TMEM217: variants seen among roughly 807,000 people sequenced by gnomAD.
TMEM217 encodes the protein chromosome 6 open reading frame 128.
For synonymous variants in TMEM217, 76 were observed against 88.3 expected, an observed-to-expected ratio of 0.86 and a Z score of 0.78; for missense variants, 204 against 248.8, an observed-to-expected ratio of 0.82 and a Z score of 1.21.
At chr6:37,228,240 A>G (rs1374990596) in intron 1 of TMEM217, among the ~76,000 whole-genome samples, 1 of 152,230 alleles carries the variant, frequency 6.6e-6, no homozygotes, top group Non-Finnish European at 1.5e-5. Context: ...AAAAAAGAAA[A>G]AAAAGAAAGA....
chr6:37,256,464 A>G (rs1765737999), intron 1 of TMEM217, among the ~76,000 whole-genome samples: 1 of 152,228 alleles, frequency 6.6e-6, no homozygotes, highest in East Asian at 1.9e-4. Context: ...AAGTAAAATA[A>G]TTAAAAGAAT....
intron 1 of TMEM217, among the ~76,000 whole-genome samples, chr6:37,241,679 T>G (rs1222555795): frequency 6.6e-6 from 1 of 152,204 alleles, no homozygotes; most frequent in Non-Finnish European, 1.5e-5. Flanking sequence ...GATTGAATTT[T>G]TTTCTAGTCT....
At chr6:37,246,458 C>A (rs1349754540) in intron 1 of TMEM217, among the ~76,000 whole-genome samples, 1 of 152,120 alleles carries the variant, frequency 6.6e-6, no homozygotes, top group Non-Finnish European at 1.5e-5. Flanking sequence ...ATTCCACTGG[C>A]CAGAAGTCTT....
chr6:37,250,291 C>T (rs556938398), intron 1 of TMEM217, among the ~76,000 whole-genome samples: 1 of 152,288 alleles, frequency 6.6e-6, no homozygotes, highest in Non-Finnish European at 1.5e-5. Flanking sequence ...TAGGAAGGGA[C>T]CCCTAAGAGG....
At chr6:37,222,795 T>G (rs1488491455) in intron 1 of TMEM217, among the ~76,000 whole-genome samples, 1 of 152,182 alleles carries the variant, frequency 6.6e-6, no homozygotes, top group African/African-American at 2.4e-5. Flanking sequence ...TAGCACCCGG[T>G]GAGTTCCCGA....
chr6:37,252,647 T>A (rs868073133), intron 1 of TMEM217, among the ~76,000 whole-genome samples: 1,678 of 122,342 alleles, frequency 0.014, 28 homozygotes, highest in African/African-American at 0.032. Flanking sequence ...ATTTTTTTTT[T>A]TTTTTTTTTT....
intron 1 of TMEM217, among the ~76,000 whole-genome samples, chr6:37,228,343 G>T (rs1763962196): frequency 6.6e-6 from 1 of 152,216 alleles, no homozygotes; most frequent in Non-Finnish European, 1.5e-5. Context: ...AATAGGTTGT[G>T]CTGTTCAAAC....
downstream of TMEM217, chr6:37,215,127 A>T: frequency 1.9e-6 from 3 of 1,592,192 alleles, no homozygotes; most frequent in Non-Finnish European, 2.6e-6. Context: ...GGGTCACTAT[A>T]ATAATGGCCT....
intron 1 of TMEM217, among the ~76,000 whole-genome samples, chr6:37,229,347 T>TTTTTTTG (rs1554170995): frequency 1.5e-5 from 2 of 131,136 alleles, no homozygotes; most frequent in Non-Finnish European, 3.2e-5. Flanking sequence ...TTTTTTTTTT[T>TTTTTTTG]TTTTTTTTTT....
chr6:37,240,851 C>T (rs910687133), intron 1 of TMEM217, among the ~76,000 whole-genome samples: 9 of 152,140 alleles, frequency 5.9e-5, no homozygotes, highest in Non-Finnish European at 1.3e-4. Flanking sequence ...CACACATTTG[C>T]TATCATTTGG....
At chr6:37,221,987 A>AG (rs1193990985) in intron 1 of TMEM217, among the ~76,000 whole-genome samples, 2 of 152,112 alleles carry the variant, frequency 1.3e-5, no homozygotes, top group African/African-American at 4.8e-5. Flanking sequence ...TCCTCTCTGT[A>AG]GCTGGTCCTC....
chr6:37,246,316 A>AT (rs146670135), intron 1 of TMEM217, among the ~76,000 whole-genome samples: 10,022 of 152,100 alleles, frequency 0.066, 1,076 homozygotes, highest in African/African-American at 0.22. Flanking sequence ...TTCAGTCTGG[A>AT]TTTTTGTCTG....
At chr6:37,229,595 G>A (rs908802859) in intron 1 of TMEM217, among the ~76,000 whole-genome samples, 17 of 151,994 alleles carry the variant, frequency 1.1e-4, no homozygotes, top group East Asian at 3.9e-4. Context: ...ACCCGCCTCC[G>A]CCTCCCAAAG....
downstream of TMEM217, chr6:37,212,682 G>C (rs529528022): frequency 5.0e-6 from 3 of 605,576 alleles, no homozygotes. Flanking sequence ...TGATGAGCTC[G>C]TAAGTGATGA....
chr6:37,235,427 G>A (rs1764446718), intron 1 of TMEM217, among the ~76,000 whole-genome samples: 1 of 152,002 alleles, frequency 6.6e-6, no homozygotes, highest in Non-Finnish European at 1.5e-5. Context: ...GTGCAGTGGT[G>A]CCATCTCGGC....
intron 1 of TMEM217, among the ~76,000 whole-genome samples, chr6:37,229,335 G>GTTTTTTTTTTTTTTTTTT (rs372385535): frequency 4.0e-5 from 3 of 74,368 alleles, no homozygotes; most frequent in African/African-American, 1.1e-4. Context: ...GCAACTTTCA[G>GTTTTTTTTTTTTTTTTTT]TTTTTTTTTT....
chr6:37,238,818 T>A (rs979150747), intron 1 of TMEM217, among the ~76,000 whole-genome samples: 2 of 152,244 alleles, frequency 1.3e-5, no homozygotes, highest in Non-Finnish European at 2.9e-5. Context: ...CTTCTAAGTA[T>A]TGATATATGA....
intron 1 of TMEM217, among the ~76,000 whole-genome samples, chr6:37,234,832 T>G (rs1040604446): frequency 2.0e-5 from 3 of 152,124 alleles, no homozygotes; most frequent in Non-Finnish European, 4.4e-5. Context: ...AGTGGTTACC[T>G]GTGAAAAGTA....
intron 1 of TMEM217, among the ~76,000 whole-genome samples, chr6:37,226,071 G>A (rs1267772547): frequency 6.6e-6 from 1 of 152,072 alleles, no homozygotes; most frequent in Non-Finnish European, 1.5e-5. Flanking sequence ...TTGACGAAGT[G>A]TAATGAGAAC....
Sources: gnomAD v4.1 joint callset for allele counts (sites outside exome capture counted in the v4.1 genomes callset) on GRCh38, gnomAD v4.1.1 for gene constraint, MANE v1.5 for transcripts, NCBI Gene and HGNC (gene_info 2026-07-23, HGNC 2026-07-21) for gene names.